BNC1: variants seen among roughly 807,000 people sequenced by gnomAD.
BNC1 encodes the protein zinc finger protein basonuclin-1.
A neutral mutation model predicts 66.5 loss-of-function variants in BNC1; 8 were observed. That is an observed-to-expected ratio of 0.12 (90% CI 0.07 to 0.22). BNC1 has a LOEUF of 0.22. BNC1 is among the 10% of genes least tolerant of loss of function. BNC1 has a pLI of 1.00. For synonymous variants in BNC1, 454 were observed against 452.6 expected (o/e 1.00, Z -0.04); for missense variants, 1,069 against 1,241.3 (o/e 0.86, Z 2.09).
At chr15:83,284,479 C>T in intron 1 of BNC1, 51 bp downstream of exon 1, 1 of 1,127,554 alleles carries the variant, frequency 8.9e-7, no homozygotes, top group Non-Finnish European at 1.1e-6. Context: ...TCCCGGGCCG[C>T]CTGCTCCGCG....
At chr15:83,271,190 C>T (rs1002693830) in intron 1 of BNC1, among the ~76,000 whole-genome samples, 7 of 152,090 alleles carry the variant, frequency 4.6e-5, no homozygotes, top group Non-Finnish European at 8.8e-5. Flanking sequence ...ACAGGAGAAT[C>T]GCTTGAACCT....
rs2038085657 is a variant in BNC1 at position 83,257,387 on chromosome 15, T to C, written c.*55A>G. 4.0e-6 allele frequency: 6 copies of C among 1,517,264 alleles called. No homozygotes were observed. Among genetic ancestry groups the C allele is most frequent in the Middle Eastern group, 1.8e-4 (1 of 5,676 alleles). 94.0% of individuals were successfully genotyped at this position (1,517,264 alleles called of 1,614,324 possible). ...AAACAGAAACATTTCTATGGACTAC[T>C]TTATTCCTGAATTATGAAAAAAGCT... On this transcript the variant is annotated 3_prime_UTR_variant, in exon 5 of 5. Coordinates refer to ENST00000345382, the MANE Select transcript of BNC1 (RefSeq NM_001717.4).
intron 1 of BNC1, among the ~76,000 whole-genome samples, chr15:83,278,121 T>C (rs1009053484): frequency 6.6e-6 from 1 of 152,232 alleles, no homozygotes; most frequent in Admixed American, 6.5e-5. Flanking sequence ...AGTCCTTTAA[T>C]GTGAGGCAGC....
intron 1 of BNC1, among the ~76,000 whole-genome samples, chr15:83,269,290 A>C (rs1015526758): frequency 3.9e-5 from 6 of 152,218 alleles, no homozygotes; most frequent in Non-Finnish European, 7.3e-5. Context: ...TGAGTTTCTC[A>C]AAGGAGATAC....
At chr15:83,271,468 T>C (rs1232795919) in intron 1 of BNC1, among the ~76,000 whole-genome samples, 3 of 152,090 alleles carry the variant, frequency 2.0e-5, no homozygotes, top group African/African-American at 7.2e-5. Flanking sequence ...AAACAGGAAA[T>C]GTGGGAGAAA....
In BNC1 at chr15:83,262,971, G is replaced by A; in HGVS notation, c.2280C>T (p.Pro760=). 1 of 1,609,740 alleles carries A rather than the reference G, an allele frequency of 6.2e-7. No individual in the cohort carries two copies. Among genetic ancestry groups the A allele is most frequent in the Admixed American group, 1.7e-5 (1 of 59,736 alleles). The part of the protein sequence containing the change: ...CTVEGCNATF[P]SRRSRDRHSS... ...CTTACCTGTCTCTGCTCCTGCGGGA[G>A]GGAAAGGTAGCATTACAGCCCTCCA... Residue 760 remains proline (P), a synonymous_variant, in exon 4 of 5, where the codon CCC becomes CCT. Coordinates refer to ENST00000345382, the MANE Select transcript of BNC1 (RefSeq NM_001717.4).
intron 1 of BNC1, among the ~76,000 whole-genome samples, chr15:83,280,191 C>A (rs1237278593): frequency 6.6e-6 from 1 of 152,046 alleles, no homozygotes; most frequent in East Asian, 1.9e-4. Flanking sequence ...CCAAATATTT[C>A]TTCTTTAAAA....
Position 83,263,700 on chromosome 15 carries a change from T to A in BNC1, c.1551A>T (p.Ser517=). Residue 517 remains serine (S), a synonymous_variant, in exon 4 of 5, where the codon TCA becomes TCT. Coordinates refer to ENST00000345382, the MANE Select transcript of BNC1 (RefSeq NM_001717.4). ...CGTTTGAAATGAGCTGTTCTGGGAT[T>A]GAAGAGGACAACAGCGGGAGGGAAG... ...ILPSLPLLSS[S]IPEQLISNEM... 6.2e-7 allele frequency: 1 copy of A among 1,614,222 alleles called. No homozygotes were observed. The highest frequency in any genetic ancestry group is 1.1e-5 in the South Asian group (1 of 91,084).
chr15:83,283,072 G>GCCCCCCC, intron 1 of BNC1: 8 of 1,298,930 alleles, frequency 6.2e-6, no homozygotes, highest in Non-Finnish European at 8.3e-6. Flanking sequence ...GATGCCCCCC[G>GCCCCCCC]CCCCCCAACC....
intron 1 of BNC1, among the ~76,000 whole-genome samples, chr15:83,272,078 T>C (rs2038275212): frequency 6.6e-6 from 1 of 152,226 alleles, no homozygotes; most frequent in Admixed American, 6.5e-5. Context: ...CAATTATTGC[T>C]ACATTCTCAA....
intron 4 of BNC1, among the ~76,000 whole-genome samples, chr15:83,260,132 C>G (rs1256926603): frequency 6.6e-6 from 1 of 152,150 alleles, no homozygotes; most frequent in Non-Finnish European, 1.5e-5. Flanking sequence ...GCCTTTTTCA[C>G]TTTCATTGTC....
Position 83,257,873 on chromosome 15 carries a change from C to T in BNC1, c.2554G>A (p.Glu852Lys), listed in dbSNP as rs148626460. Residue 852 changes from glutamate (E) to lysine (K), a missense_variant, in exon 5 of 5, where the codon GAG (glutamate) becomes AAG (lysine). Physicochemically the swap from Glu to Lys is moderately conservative, Grantham distance 56 (BLOSUM62 1). Transcript: ENST00000345382. Reference sequence around the variant, plus strand: ...GTGCTCAAATCCAGGATGGTGCCCTCGCTCAAGGGGCCAGAGTTGTAGCTC... The same window carrying T: ...GTGCTCAAATCCAGGATGGTGCCCTTGCTCAAGGGGCCAGAGTTGTAGCTC... ...LESYNSGPLS[E>K]GTILDLSTTS... 25 of 1,614,042 alleles carry T rather than the reference C, an allele frequency of 1.5e-5. No homozygotes were observed. The highest frequency in any genetic ancestry group is 4.5e-5 in the East Asian group (2 of 44,872).
At chr15:83,266,559 C>G (rs367895440) in intron 3 of BNC1, among the ~76,000 whole-genome samples, 2 of 152,210 alleles carry the variant, frequency 1.3e-5, no homozygotes, top group African/African-American at 4.8e-5. Flanking sequence ...GAGGCAGCAC[C>G]TGAAATGGGG....
intron 1 of BNC1, among the ~76,000 whole-genome samples, chr15:83,271,083 C>T (rs1037281313): frequency 4.6e-5 from 7 of 152,148 alleles, no homozygotes; most frequent in African/African-American, 1.7e-4. Flanking sequence ...CAAGACCAGC[C>T]TGTCCAACAT....
At chr15:83,269,260 C>A (rs1357557927) in intron 1 of BNC1, among the ~76,000 whole-genome samples, 2 of 152,120 alleles carry the variant, frequency 1.3e-5, no homozygotes, top group East Asian at 3.9e-4. Flanking sequence ...ACCCACAAAG[C>A]TTCACGTATA....
chr15:83,284,282 G>C (rs569525407), intron 1 of BNC1, among the ~76,000 whole-genome samples: 3 of 152,052 alleles, frequency 2.0e-5, no homozygotes, highest in Middle Eastern at 6.8e-3. Flanking sequence ...CCGGCGCGGA[G>C]ACCGTTTGCC....
chr15:83,257,440 TG>T lies in BNC1; in HGVS notation c.*1del. ...TCTGAGCATACTTGGTTTGCCATCT[TG>T]TTACTGGAGGTGACTTGGAGATGAG... is the stretch of plus-strand genomic sequence containing the variant. On this transcript the variant is annotated 3_prime_UTR_variant, in exon 5 of 5. Coordinates refer to ENST00000345382, the MANE Select transcript of BNC1 (RefSeq NM_001717.4). 1.2e-6 allele frequency: 2 copies of T among 1,609,308 alleles called. No homozygotes were observed. Among genetic ancestry groups the T allele is most frequent in the African/African-American group, 2.7e-5 (2 of 74,796 alleles).
intron 1 of BNC1, among the ~76,000 whole-genome samples, chr15:83,278,751 C>T (rs1244752646): frequency 2.0e-5 from 3 of 152,084 alleles, no homozygotes; most frequent in Non-Finnish European, 4.4e-5. Flanking sequence ...GGATACATAC[C>T]ACCACACATA....
At chr15:83,258,256 C>T in intron 4 of BNC1, 130 bp from the exon 5 acceptor site, 1 of 935,458 alleles carries the variant, frequency 1.1e-6, no homozygotes, top group Non-Finnish European at 1.6e-6. Flanking sequence ...AGGGGGTAGG[C>T]CCCCATGGGA....
Sources: gnomAD v4.1 joint callset for allele counts (sites outside exome capture counted in the v4.1 genomes callset) on GRCh38, gnomAD v4.1.1 for gene constraint, MANE v1.5 for transcripts, NCBI Gene and HGNC (gene_info 2026-07-23, HGNC 2026-07-21) for gene names.